LRFN2: variants seen among roughly 807,000 people sequenced by gnomAD.
The protein encoded by LRFN2 is leucine rich repeat and fibronectin type III domain containing 2, also known as leucine-rich repeat and fibronectin type-III domain-containing protein 2.
LRFN2 carries 18 observed loss-of-function variants against 37.3 expected under a neutral mutation model. The ratio of observed to expected loss-of-function variants is 0.48; its 90% CI spans 0.33 to 0.72. The LOEUF is 0.72. Ranked by LOEUF, LRFN2 falls within the 30% of genes least tolerant of loss-of-function variation. The pLI, the probability that LRFN2 is intolerant of heterozygous loss-of-function variation, is 0.02. For synonymous variants in LRFN2, 556 were observed against 466.6 expected (o/e 1.19, Z -2.47); for missense variants, 1,006 against 1,060.7 (o/e 0.95, Z 0.72).
At chr6:40,570,335 A>G (rs527264386) in intron 1 of LRFN2, among the ~76,000 whole-genome samples, 94 of 152,298 alleles carry the variant, frequency 6.2e-4, no homozygotes, top group African/African-American at 2.1e-3. Context: ...TAAGTGCTTT[A>G]CATATATTAA....
intron 1 of LRFN2, among the ~76,000 whole-genome samples, chr6:40,551,193 C>T (rs914394916): frequency 6.6e-6 from 1 of 152,042 alleles, no homozygotes; most frequent in African/African-American, 2.4e-5. Context: ...AGGGACAAAG[C>T]GCTTAGGGGC....
intron 1 of LRFN2, among the ~76,000 whole-genome samples, chr6:40,446,717 AT>A (rs1763977976): frequency 6.6e-6 from 1 of 152,270 alleles, no homozygotes; most frequent in Non-Finnish European, 1.5e-5. Context: ...AAGACACACA[AT>A]TATCTTCTTC....
chr6:40,415,120 A>C (rs1323426593), intron 2 of LRFN2, among the ~76,000 whole-genome samples: 1 of 152,132 alleles, frequency 6.6e-6, no homozygotes, highest in Non-Finnish European at 1.5e-5. Flanking sequence ...ACCCCAGACA[A>C]CTTTCTGCTC....
At chr6:40,467,206 GA>G (rs61633240) in intron 1 of LRFN2, among the ~76,000 whole-genome samples, 1,050 of 92,258 alleles carry the variant, frequency 0.011, 13 homozygotes, top group African/African-American at 0.034. Context: ...TGATGATGAT[GA>G]TGTGTGTGTG....
At chr6:40,539,645 T>A (rs1355411741) in intron 1 of LRFN2, among the ~76,000 whole-genome samples, 1 of 152,166 alleles carries the variant, frequency 6.6e-6, no homozygotes, top group African/African-American at 2.4e-5. Flanking sequence ...ATCTCCAACA[T>A]ACACAGGCCA....
intron 1 of LRFN2, among the ~76,000 whole-genome samples, chr6:40,530,382 G>A (rs142668857): frequency 2.0e-5 from 3 of 152,308 alleles, no homozygotes; most frequent in African/African-American, 7.2e-5. Flanking sequence ...TGAATGGTGA[G>A]GTTCAGGATA....
chr6:40,513,825 G>A (rs1260693885), intron 1 of LRFN2, among the ~76,000 whole-genome samples: 1 of 151,952 alleles, frequency 6.6e-6, no homozygotes, highest in African/African-American at 2.4e-5. Flanking sequence ...TCCCAAAACT[G>A]ATATCCAGCC....
chr6:40,577,095 T>TTCTCTTCTCTTCTCTTCTCTTCTCTTCTC (rs1767295708), intron 1 of LRFN2, among the ~76,000 whole-genome samples: 1 of 122,884 alleles, frequency 8.1e-6, no homozygotes, highest in African/African-American at 3.2e-5. Flanking sequence ...TTTCTTTTCT[T>TTCTCTTCTCTTCTCTTCTCTTCTCTTCTC]TTCTTTTCCT....
intron 1 of LRFN2, among the ~76,000 whole-genome samples, chr6:40,552,704 C>T (rs956797434): frequency 1.3e-5 from 2 of 151,990 alleles, no homozygotes; most frequent in Non-Finnish European, 2.9e-5. Flanking sequence ...ATTATAAAAC[C>T]AATTATCATT....
chr6:40,391,742 A>G lies in LRFN2; in HGVS notation c.*201T>C, dbSNP rs1293936925. On this transcript the variant is annotated 3_prime_UTR_variant, in exon 3 of 3. Transcript: ENST00000338305. ...CAGTCCGGCATTTGAGCGAGTCCACATTCCCTGAGCACACCCCGGCCGGGT... is the reference window on the plus strand; with the variant it reads ...CAGTCCGGCATTTGAGCGAGTCCACGTTCCCTGAGCACACCCCGGCCGGGT... The G allele has an allele frequency of 4.2e-6, 2 of 478,152 alleles. No homozygotes were observed. The highest frequency in any genetic ancestry group is 3.5e-5 in the East Asian group (1 of 28,496). 29.6% of individuals were successfully genotyped at this position (478,152 alleles called of 1,614,324 possible).
chr6:40,408,823 CT>C (rs1762902661), intron 2 of LRFN2, among the ~76,000 whole-genome samples: 1 of 152,210 alleles, frequency 6.6e-6, no homozygotes, highest in Non-Finnish European at 1.5e-5. Context: ...AACACTTTGT[CT>C]TAGTTTCTTT....
chr6:40,470,880 G>A (rs1457580959), intron 1 of LRFN2, among the ~76,000 whole-genome samples: 1 of 152,230 alleles, frequency 6.6e-6, no homozygotes, highest in Non-Finnish European at 1.5e-5. Flanking sequence ...AGGACATAGG[G>A]TGGGTGGTTG....
At chr6:40,474,552 C>T (rs574867621) in intron 1 of LRFN2, among the ~76,000 whole-genome samples, 59 of 152,258 alleles carry the variant, frequency 3.9e-4, no homozygotes, top group African/African-American at 1.2e-3. Flanking sequence ...TGCGGTGGCA[C>T]GATCTGGGCT....
At chr6:40,444,217 T>C (rs1283050266) in intron 1 of LRFN2, among the ~76,000 whole-genome samples, 1 of 151,952 alleles carries the variant, frequency 6.6e-6, no homozygotes, top group Non-Finnish European at 1.5e-5. Flanking sequence ...GCTTTCTCAA[T>C]GAGTTATTGG....
At chr6:40,473,313 G>A (rs1476666338) in intron 1 of LRFN2, among the ~76,000 whole-genome samples, 1 of 152,178 alleles carries the variant, frequency 6.6e-6, no homozygotes, top group Non-Finnish European at 1.5e-5. Context: ...TCCCGAAAAG[G>A]AGACAGCGTG....
At chr6:40,393,847 G>A (rs549509693) in intron 2 of LRFN2, among the ~76,000 whole-genome samples, 39 of 152,144 alleles carry the variant, frequency 2.6e-4, no homozygotes, top group Non-Finnish European at 4.4e-4. Context: ...ACCTCCAAAG[G>A]GCTTTCTCAT....
chr6:40,435,062 G>GAGAA (rs1561854371), intron 1 of LRFN2, among the ~76,000 whole-genome samples: 12 of 118,818 alleles, frequency 1.0e-4, no homozygotes, highest in Non-Finnish European at 1.8e-4. Flanking sequence ...TAGAGAGAGA[G>GAGAA]AGAGAGAGAG....
intron 1 of LRFN2, among the ~76,000 whole-genome samples, chr6:40,573,003 AC>A (rs1265347374): frequency 2.6e-5 from 4 of 152,236 alleles, no homozygotes; most frequent in Non-Finnish European, 5.9e-5. Flanking sequence ...GATGACTGAG[AC>A]CTCATAAACT....
At chr6:40,403,994 ACTGGCTGTTCCCTCTGC>A in intron 2 of LRFN2, among the ~76,000 whole-genome samples, 1 of 152,228 alleles carries the variant, frequency 6.6e-6, no homozygotes, top group Admixed American at 6.5e-5. Flanking sequence ...GGACTTTTGC[ACTGGCTGTTCCCTCTGC>A]CTGGATGCTC....
Sources: allele counts gnomAD v4.1 joint callset (sites outside exome capture counted in the v4.1 genomes callset), GRCh38; gene constraint gnomAD v4.1.1; transcripts MANE v1.5; gene names NCBI Gene and HGNC (gene_info 2026-07-23, HGNC 2026-07-21).